CELF4: variants seen among roughly 807,000 people sequenced by gnomAD.
CELF4 encodes CUGBP Elav-like family member 4.
CELF4 carries 18 observed loss-of-function variants against 59.9 expected under a neutral mutation model. That is an observed-to-expected ratio of 0.30 (90% CI 0.21 to 0.45). The LOEUF is 0.45. Ranked by LOEUF, CELF4 falls within the 20% of genes least tolerant of loss-of-function variation. The pLI is 1.00. For synonymous variants in CELF4, 261 were observed against 267.1 expected, an observed-to-expected ratio of 0.98 and a Z score of 0.22; for missense variants, 456 against 689.0, an observed-to-expected ratio of 0.66 and a Z score of 3.79.
chr18:37,548,603 TA>T (rs2099982202), intron 1 of CELF4, among the ~76,000 whole-genome samples: 1 of 152,168 alleles, frequency 6.6e-6, no homozygotes, highest in South Asian at 2.1e-4. Context: ...GGGGTGCTGA[TA>T]GGGGTGCTGG....
intron 1 of CELF4, among the ~76,000 whole-genome samples, chr18:37,535,314 T>C (rs1246594830): frequency 6.6e-6 from 1 of 152,252 alleles, no homozygotes; most frequent in Non-Finnish European, 1.5e-5. Context: ...GTCTTTTTGT[T>C]GTTTTTCCTA....
At chr18:37,531,926 G>A (rs1473001215) in intron 1 of CELF4, among the ~76,000 whole-genome samples, 1 of 152,192 alleles carries the variant, frequency 6.6e-6, no homozygotes, top group African/African-American at 2.4e-5. Context: ...GTTAACTCTG[G>A]TCTCAATCTC....
At chr18:37,425,545 A>T (rs2099606578) in intron 2 of CELF4, among the ~76,000 whole-genome samples, 1 of 152,270 alleles carries the variant, frequency 6.6e-6, no homozygotes, top group Admixed American at 6.5e-5. Context: ...TGATTTCTTT[A>T]AAAAACATAA....
At chr18:37,487,007 C>T (rs906218295) in intron 1 of CELF4, among the ~76,000 whole-genome samples, 3 of 152,230 alleles carry the variant, frequency 2.0e-5, no homozygotes, top group African/African-American at 7.2e-5. Flanking sequence ...CCATTTATTT[C>T]CTGAGTGCTC....
intron 2 of CELF4, among the ~76,000 whole-genome samples, chr18:37,348,183 GCA>G (rs2098333867): frequency 6.6e-6 from 1 of 152,094 alleles, no homozygotes; most frequent in African/African-American, 2.4e-5. Context: ...TTTGGAAAGA[GCA>G]CAGAGATCAG....
intron 1 of CELF4, among the ~76,000 whole-genome samples, chr18:37,536,304 G>T (rs553344477): frequency 6.6e-6 from 1 of 151,972 alleles, no homozygotes. Context: ...GGTAAGGCTT[G>T]TGGTCTTCAG....
At chr18:37,441,154 G>C (rs1013590818) in intron 2 of CELF4, among the ~76,000 whole-genome samples, 1 of 152,184 alleles carries the variant, frequency 6.6e-6, no homozygotes, top group Non-Finnish European at 1.5e-5. Flanking sequence ...TGTTTTTAAA[G>C]ATCTCCCAGC....
chr18:37,276,302 T>C (rs1374834262), intron 3 of CELF4: 1 of 152,212 alleles, frequency 6.6e-6, no homozygotes, highest in Non-Finnish European at 1.5e-5. Flanking sequence ...CCAGCCCACA[T>C]ACTGCTACTT....
intron 1 of CELF4, among the ~76,000 whole-genome samples, chr18:37,550,996 C>T (rs545436979): frequency 2.6e-5 from 4 of 151,410 alleles, no homozygotes; most frequent in African/African-American, 9.8e-5. Context: ...AAGGAGGTCA[C>T]TTTTGGTTGG....
intron 2 of CELF4, among the ~76,000 whole-genome samples, chr18:37,391,632 G>A (rs2099162949): frequency 6.6e-6 from 1 of 152,162 alleles, no homozygotes. Context: ...CCTGACCCAT[G>A]GCATGGCGAC....
intron 2 of CELF4, among the ~76,000 whole-genome samples, chr18:37,396,583 G>A (rs1399173730): frequency 6.6e-6 from 1 of 152,196 alleles, no homozygotes. Context: ...TCTGCACTAA[G>A]CTTGGTACAT....
chr18:37,276,744 C>T (rs1016174933), intron 3 of CELF4, among the ~76,000 whole-genome samples: 3 of 152,192 alleles, frequency 2.0e-5, no homozygotes, highest in Non-Finnish European at 4.4e-5. Flanking sequence ...GGTTGTTTTA[C>T]ACCACTCAGT....
chr18:37,273,717 A>T, intron 6 of CELF4: 1 of 987,418 alleles, frequency 1.0e-6, no homozygotes, highest in Non-Finnish European at 1.2e-6. Flanking sequence ...GCATTTTCAG[A>T]CCCAGAACCG....
intron 2 of CELF4, among the ~76,000 whole-genome samples, chr18:37,397,578 G>A (rs1450433555): frequency 6.6e-6 from 1 of 152,208 alleles, no homozygotes; most frequent in Non-Finnish European, 1.5e-5. Flanking sequence ...AGGCTGGGCA[G>A]GCTGGGCTCT....
intron 12 of CELF4, among the ~76,000 whole-genome samples, chr18:37,247,847 G>A (rs1163729019): frequency 3.9e-5 from 6 of 152,126 alleles, no homozygotes; most frequent in African/African-American, 1.4e-4. Context: ...CAATCTCAGG[G>A]AGCAGGCGCT....
At chr18:37,502,625 T>A (rs556885219) in intron 1 of CELF4, among the ~76,000 whole-genome samples, 2 of 152,114 alleles carry the variant, frequency 1.3e-5, no homozygotes, top group African/African-American at 2.4e-5. Context: ...CTGGGCACCA[T>A]TGGGGAGCAA....
chr18:37,443,577 G>T (rs1057093422), intron 2 of CELF4, among the ~76,000 whole-genome samples: 12 of 152,168 alleles, frequency 7.9e-5, no homozygotes, highest in African/African-American at 2.7e-4. Context: ...GTGGGTGGAG[G>T]CTTTCATCCC....
Position 37,504,352 on chromosome 18 carries a change from T to C in CELF4, c.287-18745A>G, listed in dbSNP as rs531146253. 1.3e-4 allele frequency among the ~76,000 whole-genome samples: 19 copies of C among 149,788 alleles called. No individual in the cohort carries two copies. The East Asian group carries it at 3.8e-3, about 30-fold the overall frequency. On this transcript the variant is annotated intron_variant, in intron 1 of 12. Transcript: ENST00000420428. Reference sequence around the variant, plus strand: ...CTAAAAATACAAAATTAGCTGGGCATGGTGGTACGTGCCTGTAATCCGAGC... The same window carrying C: ...CTAAAAATACAAAATTAGCTGGGCACGGTGGTACGTGCCTGTAATCCGAGC...
intron 2 of CELF4, among the ~76,000 whole-genome samples, chr18:37,465,976 T>C (rs957618012): frequency 2.0e-5 from 3 of 152,102 alleles, no homozygotes; most frequent in African/African-American, 7.2e-5. Flanking sequence ...CAGGGAGCCA[T>C]GGAGGGTCCT....
Sources: gnomAD v4.1 joint callset for allele counts (sites outside exome capture counted in the v4.1 genomes callset) on GRCh38, gnomAD v4.1.1 for gene constraint, MANE v1.5 for transcripts, NCBI Gene and HGNC (gene_info 2026-07-23, HGNC 2026-07-21) for gene names.